MKLN1: variants seen among roughly 807,000 people sequenced by gnomAD.
MKLN1 encodes muskelin.
In MKLN1, 18 loss-of-function variants were observed where a neutral mutation model predicts 99.0. That is an observed-to-expected ratio of 0.18 (90% confidence interval 0.13 to 0.27). MKLN1 has a LOEUF of 0.27. MKLN1 is among the 10% of genes least tolerant of loss of function. The probability of loss-of-function intolerance (pLI) is 1.00; values close to 1 mark genes in which losing one functional copy is unlikely to be tolerated. For missense variants in MKLN1, 621 were observed against 875.9 expected (o/e 0.71, Z 3.67); for synonymous variants, 288 against 293.2 (o/e 0.98, Z 0.18).
intron 2 of MKLN1, among the ~76,000 whole-genome samples, chr7:131,170,373 C>A (rs1205269900): frequency 6.6e-6 from 1 of 152,160 alleles, no homozygotes; most frequent in African/African-American, 2.4e-5. Context: ...GTTATATTGG[C>A]TGTTTTGCCT....
intron 2 of MKLN1, among the ~76,000 whole-genome samples, chr7:131,182,544 C>A (rs1222167118): frequency 1.3e-5 from 2 of 152,210 alleles, no homozygotes; most frequent in African/African-American, 4.8e-5. Context: ...CTTCCAGAAG[C>A]ATTTTAAGGA....
chr7:131,406,700 G>T (rs1794719568), intron 6 of MKLN1, among the ~76,000 whole-genome samples: 1 of 151,900 alleles, frequency 6.6e-6, no homozygotes, highest in African/African-American at 2.4e-5. Context: ...AGAATTGATG[G>T]CCTGAAAATT....
intron 3 of MKLN1, among the ~76,000 whole-genome samples, chr7:131,257,797 C>G (rs1483021939): frequency 6.6e-6 from 1 of 152,090 alleles, no homozygotes; most frequent in Admixed American, 6.6e-5. Flanking sequence ...GGGAAAAAGT[C>G]TTGGATGCTT....
At chr7:131,112,402 T>A (rs1250408363) in intron 1 of MKLN1, among the ~76,000 whole-genome samples, 1 of 152,252 alleles carries the variant, frequency 6.6e-6, no homozygotes, top group Non-Finnish European at 1.5e-5. Context: ...AGGGAAATGA[T>A]GGGAAATGAC....
chr7:131,254,145 C>A (rs748571522), intron 3 of MKLN1, among the ~76,000 whole-genome samples: 7 of 152,084 alleles, frequency 4.6e-5, no homozygotes, highest in Non-Finnish European at 1.0e-4. Context: ...TCAAAGAGAG[C>A]TTTGCTAAAA....
chr7:131,250,228 G>T (rs1218617412), intron 3 of MKLN1, among the ~76,000 whole-genome samples: 5 of 152,144 alleles, frequency 3.3e-5, no homozygotes, highest in Admixed American at 6.5e-5. Context: ...GGGAGATGAT[G>T]GGAGGAGAAG....
At chr7:131,371,992 T>A (rs1019836233) in intron 1 of MKLN1, among the ~76,000 whole-genome samples, 26 of 152,126 alleles carry the variant, frequency 1.7e-4, no homozygotes, top group African/African-American at 6.3e-4. Flanking sequence ...TACGTTTTTA[T>A]TTCTATCTTT....
intron 2 of MKLN1, among the ~76,000 whole-genome samples, chr7:131,381,194 G>A (rs1337614574): frequency 6.6e-6 from 1 of 152,054 alleles, no homozygotes; most frequent in Non-Finnish European, 1.5e-5. Flanking sequence ...GCTTATAATT[G>A]CAGTAAAGGA....
rs570604508 is a variant in MKLN1, at chr7:131,431,128, A to G, written c.960+1983A>G. ...TCCTAGCTAGCTGGGAGGCTGAGGC[A>G]GGAGAATCCCTTGAACCCAGGAGGC... On this transcript the variant is annotated intron_variant, in intron 9 of 17. Transcript: ENST00000352689. Among the ~76,000 whole-genome samples the G allele has an allele frequency of 4.8e-4, 73 of 152,090 alleles. 2 individuals are homozygous for G. The South Asian group carries it at 0.014, about 30-fold the overall frequency.
chr7:131,133,819 GGTTT>G (rs1253038119), intron 1 of MKLN1, among the ~76,000 whole-genome samples: 4,333 of 67,178 alleles, frequency 0.065, 585 homozygotes, highest in African/African-American at 0.15. Flanking sequence ...TTTTTAATTT[GGTTT>G]TTTTTTTTTT....
intron 2 of MKLN1, among the ~76,000 whole-genome samples, chr7:131,166,077 T>G: frequency 6.7e-6 from 1 of 150,296 alleles, no homozygotes; most frequent in Non-Finnish European, 1.5e-5. Flanking sequence ...ATCATGCCCA[T>G]GCACTCCAGC....
intron 1 of MKLN1, among the ~76,000 whole-genome samples, chr7:131,363,178 AGCTGT>A (rs1382906563): frequency 8.6e-5 from 13 of 151,720 alleles, no homozygotes. Context: ...GCAGTTTTTG[AGCTGT>A]GTGGCTCCAG....
chr7:131,370,916 T>C (rs1793421314), intron 1 of MKLN1, among the ~76,000 whole-genome samples: 1 of 152,170 alleles, frequency 6.6e-6, no homozygotes, highest in African/African-American at 2.4e-5. Context: ...CTTAGTTGGC[T>C]TAGTGCTGGG....
chr7:131,475,669 C>G (rs1256728358), intron 16 of MKLN1, among the ~76,000 whole-genome samples: 1 of 152,034 alleles, frequency 6.6e-6, no homozygotes, highest in African/African-American at 2.4e-5. Flanking sequence ...AAAAAATTAG[C>G]TGGGTGGTGC....
rs1160567059 is a variant in MKLN1, at chr7:131,466,393, A to C, written c.1906A>C (p.Lys636Gln). The C allele has an allele frequency of 1.3e-6, 2 of 1,593,288 alleles. No individual in the cohort carries two copies. Among genetic ancestry groups the C allele is most frequent in the Non-Finnish European group, 1.7e-6 (2 of 1,166,422 alleles). ...PSKDYLLRHC[K>Q]YLIRKHRFEE... ...AAAAGATTATTTACTGAGGCATTGC[A>C]AGTACCTCATAAGAAAACACAGGTA... Residue 636 changes from lysine to glutamine, a missense_variant, in exon 15 of 18, where the codon AAG becomes CAG. Physicochemically the swap from Lys to Gln is moderately conservative, Grantham distance 53. Transcript: ENST00000352689.
At chr7:131,257,276 C>A (rs907454482) in intron 3 of MKLN1, among the ~76,000 whole-genome samples, 1 of 152,208 alleles carries the variant, frequency 6.6e-6, no homozygotes, top group Non-Finnish European at 1.5e-5. Flanking sequence ...AGCATGACTT[C>A]TGACCACAAT....
At chr7:131,435,907 G>T (rs567755658) in intron 9 of MKLN1, among the ~76,000 whole-genome samples, 1 of 148,792 alleles carries the variant, frequency 6.7e-6, no homozygotes, top group African/African-American at 2.5e-5. Flanking sequence ...CTTTTTTCTT[G>T]GCATATAACT....
intron 3 of MKLN1, among the ~76,000 whole-genome samples, chr7:131,241,728 T>G (rs1797407058): frequency 6.6e-6 from 1 of 152,234 alleles, no homozygotes; most frequent in Non-Finnish European, 1.5e-5. Context: ...GAACACAATT[T>G]TAGCTTTCAT....
intron 1 of MKLN1, among the ~76,000 whole-genome samples, chr7:131,141,736 C>G (rs905379897): frequency 4.6e-5 from 7 of 152,146 alleles, no homozygotes; most frequent in Admixed American, 4.6e-4. Context: ...CCAATTTTCC[C>G]TAAATCTGGG....
Sources: allele counts gnomAD v4.1 joint callset (sites outside exome capture counted in the v4.1 genomes callset), GRCh38; gene constraint gnomAD v4.1.1; transcripts MANE v1.5; gene names NCBI Gene and HGNC (gene_info 2026-07-23, HGNC 2026-07-21).